The following XPO4 variants were observed in gnomAD, a reference collection of about 807,000 sequenced individuals.
XPO4 encodes exportin 4, also known as exportin-4.
Under a neutral mutation model 143.0 loss-of-function variants are expected in XPO4, and 39 were observed. That is an observed-to-expected ratio of 0.27 (90% CI 0.21 to 0.36). The LOEUF (loss-of-function observed/expected upper bound fraction) is 0.36, where lower values mean the gene tolerates loss of function less well. Ranked by LOEUF, XPO4 falls within the 10% of genes least tolerant of loss-of-function variation. The probability of loss-of-function intolerance (pLI) is 1.00; values close to 1 mark genes in which losing one functional copy is unlikely to be tolerated. For synonymous variants in XPO4, 439 were observed against 474.0 expected, an observed-to-expected ratio of 0.93 and a Z score of 0.96; for missense variants, 907 against 1,348.0, an observed-to-expected ratio of 0.67 and a Z score of 5.12.
intron 13 of XPO4, among the ~76,000 whole-genome samples, chr13:20,806,634 C>T (rs778397166): frequency 4.2e-5 from 6 of 144,324 alleles, no homozygotes; most frequent in African/African-American, 1.6e-4. Flanking sequence ...CTCACTGCAA[C>T]CTCTGCCTCC....
At chr13:20,864,586 C>T (rs574697685) in intron 2 of XPO4, among the ~76,000 whole-genome samples, 1 of 152,288 alleles carries the variant, frequency 6.6e-6, no homozygotes, top group Admixed American at 6.5e-5. Flanking sequence ...TTGAGCAATA[C>T]TAATCTACCC....
chr13:20,889,625 A>G (rs1287052661), intron 1 of XPO4, among the ~76,000 whole-genome samples: 1 of 152,200 alleles, frequency 6.6e-6, no homozygotes, highest in Non-Finnish European at 1.5e-5. Flanking sequence ...ATTTTCTCCA[A>G]CTCAACAATC....
At chr13:20,844,188 A>T (rs2060007454) in intron 4 of XPO4, among the ~76,000 whole-genome samples, 1 of 152,236 alleles carries the variant, frequency 6.6e-6, no homozygotes, top group Non-Finnish European at 1.5e-5. Flanking sequence ...ATATTTAAAA[A>T]TAATAAATGT....
chr13:20,841,309 C>T (rs1192964563), intron 6 of XPO4, among the ~76,000 whole-genome samples: 10 of 152,128 alleles, frequency 6.6e-5, no homozygotes, highest in Non-Finnish European at 1.2e-4. Context: ...GTGGTCCCCA[C>T]ATCTATCACC....
chr13:20,802,161 G>A (rs565604561), intron 13 of XPO4, among the ~76,000 whole-genome samples: 1 of 152,184 alleles, frequency 6.6e-6, no homozygotes, highest in Non-Finnish European at 1.5e-5. Context: ...GGGTTCAAGT[G>A]ATCCTCCTGC....
chr13:20,876,240 C>T (rs1486281122), intron 1 of XPO4, among the ~76,000 whole-genome samples: 1 of 85,842 alleles, frequency 1.2e-5, no homozygotes, highest in Non-Finnish European at 2.2e-5. Flanking sequence ...CTAGCCTGGA[C>T]AATGAAAGCA....
intron 4 of XPO4, among the ~76,000 whole-genome samples, chr13:20,847,418 G>A (rs536051217): frequency 6.9e-4 from 105 of 152,138 alleles, no homozygotes; most frequent in Non-Finnish European, 1.2e-3. Flanking sequence ...AAACTCCCAA[G>A]GGAGAACAGA....
chr13:20,787,130 AAAG>A (rs1322806821), intron 21 of XPO4, 73 bp from the exon 22 acceptor site: 21 of 1,249,498 alleles, frequency 1.7e-5, no homozygotes, highest in East Asian at 1.0e-4. Flanking sequence ...CCAGTCCAAA[AAAG>A]AAGAAGAGAG....
intron 9 of XPO4, among the ~76,000 whole-genome samples, chr13:20,820,173 G>C (rs1467823142): frequency 1.3e-5 from 2 of 152,202 alleles, no homozygotes; most frequent in Non-Finnish European, 2.9e-5. Flanking sequence ...CTTCACTAGA[G>C]CACGCCTGCT....
intron 1 of XPO4, among the ~76,000 whole-genome samples, chr13:20,869,928 A>G (rs2060278400): frequency 1.3e-5 from 2 of 152,048 alleles, no homozygotes. Context: ...ACATGGTGAA[A>G]CCCAGTCTCT....
chr13:20,879,081 T>C, intron 1 of XPO4: 10 of 982,204 alleles, frequency 1.0e-5, no homozygotes, highest in Non-Finnish European at 1.2e-5. Flanking sequence ...CAAAGATGAA[T>C]GCAAGCACTC....
At chr13:20,787,652 G>A in intron 20 of XPO4, 54 bp from the exon 21 acceptor site, 1 of 1,497,918 alleles carries the variant, frequency 6.7e-7, no homozygotes, top group Admixed American at 1.8e-5. Context: ...ATTTATAAAA[G>A]ATAAAAAAAT....
intron 3 of XPO4, chr13:20,856,947 C>T (rs1024521865): frequency 3.1e-6 from 3 of 960,618 alleles, no homozygotes; most frequent in Non-Finnish European, 2.5e-6. Context: ...GATCAGCCAC[C>T]CACTCTATGC....
chr13:20,838,214 T>C (rs1566597682), intron 6 of XPO4, among the ~76,000 whole-genome samples: 1 of 152,262 alleles, frequency 6.6e-6, no homozygotes, highest in Non-Finnish European at 1.5e-5. Flanking sequence ...CATTATTTTG[T>C]CAGTATCTCT....
At chr13:20,831,145 T>C (rs1294336445) in intron 6 of XPO4, among the ~76,000 whole-genome samples, 1 of 152,092 alleles carries the variant, frequency 6.6e-6, no homozygotes, top group Non-Finnish European at 1.5e-5. Context: ...CTACCCCAGA[T>C]AATTCTTAAA....
intron 13 of XPO4, among the ~76,000 whole-genome samples, chr13:20,801,770 G>A (rs977116845): frequency 1.3e-5 from 2 of 152,190 alleles, no homozygotes; most frequent in African/African-American, 4.8e-5. Context: ...TCAGTGCTGA[G>A]AAAAGGATTC....
At chr13:20,819,552 C>T (rs1335416378) in intron 9 of XPO4, among the ~76,000 whole-genome samples, 2 of 151,898 alleles carry the variant, frequency 1.3e-5, no homozygotes, top group African/African-American at 4.8e-5. Flanking sequence ...CCCAGCTACT[C>T]GGGAGGCTGA....
At chr13:20,785,069 T>C (rs1453795235) in intron 22 of XPO4, among the ~76,000 whole-genome samples, 2 of 152,180 alleles carry the variant, frequency 1.3e-5, no homozygotes, top group Admixed American at 6.5e-5. Context: ...GGTTCTGCAA[T>C]GTTGAGCAGG....
chr13:20,792,199 A>G (rs567901410), intron 18 of XPO4, among the ~76,000 whole-genome samples: 5 of 152,316 alleles, frequency 3.3e-5, no homozygotes, highest in Non-Finnish European at 5.9e-5. Flanking sequence ...TAATCCCAGC[A>G]CTTCGGGAGG....
Sources: gnomAD v4.1 joint callset for allele counts (sites outside exome capture counted in the v4.1 genomes callset) on GRCh38, gnomAD v4.1.1 for gene constraint, MANE v1.5 for transcripts, NCBI Gene and HGNC (gene_info 2026-07-23, HGNC 2026-07-21) for gene names.